Variants in PTPRN2 observed in about 807,000 individuals in gnomAD.
PTPRN2 encodes protein tyrosine phosphatase receptor type N2, also known as receptor-type tyrosine-protein phosphatase N2.
Under a neutral mutation model 118.8 loss-of-function variants are expected in PTPRN2, and 74 were observed. That is an observed-to-expected ratio of 0.62 (90% CI 0.52 to 0.76). The LOEUF (loss-of-function observed/expected upper bound fraction) is 0.76. Among genes scored for constraint, PTPRN2 ranks in the 30% least tolerant of loss-of-function variants. The pLI, the probability that PTPRN2 is intolerant of heterozygous loss-of-function variation, is 0.00. For synonymous variants in PTPRN2, 641 were observed against 608.0 expected (o/e 1.05, Z -0.80); for missense variants, 1,481 against 1,394.4 (o/e 1.06, Z -0.99).
Position 157,711,973 on chromosome 7 carries a change from AGCTGG to A in PTPRN2, c.1789-29041_1789-29037del, listed in dbSNP as rs1467108905. 4.0e-3 allele frequency among the ~76,000 whole-genome samples: 260 copies of A among 64,792 alleles called. 4 individuals are homozygous for A. The highest frequency in any genetic ancestry group is 9.3e-3 in the African/African-American group (115 of 12,414). The allele number at this position is 64,792 out of a possible 152,430, so 42.5% of individuals were successfully genotyped here. A position where few individuals can be genotyped will look rare whatever the true frequency, so the allele number is the denominator to read the frequency against. On this transcript the variant is annotated intron_variant, in intron 12 of 22. Transcript: ENST00000389418. The stretch of plus-strand genomic sequence containing the variant: ...CTGCGTGGTGGAAGGGGGGCCGGGC[AGCTGG>A]GGGCACCATGAGTGGGGGGAGGGGC...
chr7:157,860,170 C>T (rs1810122529), intron 12 of PTPRN2, among the ~76,000 whole-genome samples: 1 of 152,246 alleles, frequency 6.6e-6, no homozygotes, highest in South Asian at 2.1e-4. Context: ...TGCAACGACC[C>T]AGACCCAATT....
At chr7:157,943,081 G>A (rs1800246496) in intron 11 of PTPRN2, among the ~76,000 whole-genome samples, 1 of 152,168 alleles carries the variant, frequency 6.6e-6, no homozygotes, top group Non-Finnish European at 1.5e-5. Context: ...TTTGGCCCCA[G>A]GAAGCCTTTG....
chr7:158,328,285 C>A (rs1356605686), intron 2 of PTPRN2, among the ~76,000 whole-genome samples: 1 of 152,204 alleles, frequency 6.6e-6, no homozygotes, highest in African/African-American at 2.4e-5. Flanking sequence ...ACACCCAGGT[C>A]AGATTTAAGG....
At chr7:157,819,086 C>A (rs1157522963) in intron 12 of PTPRN2, among the ~76,000 whole-genome samples, 1 of 152,210 alleles carries the variant, frequency 6.6e-6, no homozygotes, top group Non-Finnish European at 1.5e-5. Flanking sequence ...CCTGTGGACA[C>A]CACTGGCCCC....
intron 2 of PTPRN2, among the ~76,000 whole-genome samples, chr7:158,372,524 TC>T (rs765733563): frequency 1.1e-5 from 1 of 94,778 alleles, no homozygotes; most frequent in African/African-American, 4.2e-5. Flanking sequence ...CCGGAGCTGG[TC>T]CCCCCATGCT....
chr7:158,128,087 C>T (rs995832176), intron 9 of PTPRN2, among the ~76,000 whole-genome samples: 1 of 152,206 alleles, frequency 6.6e-6, no homozygotes, highest in Admixed American at 6.5e-5. Flanking sequence ...CCACATTCCT[C>T]TCCTTTCTGT....
rs888779997 is a variant in PTPRN2 at position 157,961,909 on chromosome 7, G to A, written c.1724-63172C>T. ...GAGCCCAGGAGACCCGGCGGCGGCC[G>A]CACCGGGACCCGGGGTGTGTGGAGA... On this transcript the variant is annotated intron_variant, in intron 11 of 22. Coordinates refer to ENST00000389418, the MANE Select transcript of PTPRN2 (RefSeq NM_002847.5). 6.6e-5 allele frequency among the ~76,000 whole-genome samples: 10 copies of A among 151,932 alleles called. No individual in the cohort carries two copies. In the East Asian group the frequency reaches 1.6e-3, roughly 24 times the overall value.
At chr7:157,810,160 C>T (rs886811908) in intron 12 of PTPRN2, among the ~76,000 whole-genome samples, 3 of 152,246 alleles carry the variant, frequency 2.0e-5, no homozygotes, top group Non-Finnish European at 4.4e-5. Flanking sequence ...ACGTGGAGAA[C>T]ACTGCAGTTC....
chr7:157,803,447 C>T (rs1281822932), intron 12 of PTPRN2, among the ~76,000 whole-genome samples: 2 of 152,194 alleles, frequency 1.3e-5, no homozygotes, highest in Non-Finnish European at 2.9e-5. Context: ...TGATGTTGTC[C>T]TGCATGTTCA....
chr7:158,258,254 A>G (rs549931485), intron 3 of PTPRN2, among the ~76,000 whole-genome samples: 2 of 152,256 alleles, frequency 1.3e-5, no homozygotes, highest in African/African-American at 4.8e-5. Flanking sequence ...CAGGGTGAAC[A>G]CAGGCCGTCC....
intron 6 of PTPRN2, among the ~76,000 whole-genome samples, chr7:158,156,393 G>A (rs1246713315): frequency 1.3e-5 from 2 of 152,182 alleles, no homozygotes; most frequent in African/African-American, 2.4e-5. Flanking sequence ...GTGAACTGAC[G>A]GACGACAGGT....
At chr7:157,889,301 C>G (rs962315158) in intron 12 of PTPRN2, among the ~76,000 whole-genome samples, 1 of 151,312 alleles carries the variant, frequency 6.6e-6, no homozygotes, top group Non-Finnish European at 1.5e-5. Flanking sequence ...CTGGTTACCG[C>G]CCCCCTCTCA....
intron 21 of PTPRN2, among the ~76,000 whole-genome samples, chr7:157,549,551 C>T (rs1798493182): frequency 1.3e-5 from 2 of 152,304 alleles, no homozygotes; most frequent in East Asian, 3.9e-4. Context: ...CCCGTAGCTA[C>T]TCCCAGCTCA....
intron 21 of PTPRN2, among the ~76,000 whole-genome samples, chr7:157,562,876 C>CA (rs36183370): frequency 8.1e-6 from 1 of 123,726 alleles, no homozygotes; most frequent in East Asian, 2.7e-4. Context: ...TGTCACCACA[C>CA]GCAGATCAGG....
chr7:158,449,522 C>T (rs546894654), intron 2 of PTPRN2, among the ~76,000 whole-genome samples: 8 of 150,170 alleles, frequency 5.3e-5, no homozygotes, highest in Non-Finnish European at 7.4e-5. Flanking sequence ...ACACACAGCG[C>T]GGGCCGAGTC....
In PTPRN2 at chr7:157,595,262, G is replaced by A. The variant is rs150956578; in HGVS notation, c.2472C>T (p.Pro824=). The stretch of plus-strand genomic sequence containing the variant: ...CCTGCCAAAAGTCAGCCACGGTGGC[G>A]GGCAGCGGTCCCTGGGTGGCGATGT... ...PAYIATQGPL[P]ATVADFWQMV... The change falls in exon 17 of 23, where the codon CCC becomes CCT. Residue 824 remains proline (P), a synonymous_variant. Transcript: ENST00000389418. 264 of 1,614,086 alleles carry A rather than the reference G, an allele frequency of 1.6e-4. No homozygotes were observed. Among genetic ancestry groups the A allele is most frequent in the Non-Finnish European group, 2.0e-4 (234 of 1,180,052 alleles).
In PTPRN2 at chr7:157,845,587, CA is replaced by C. The variant is rs1245672816; in HGVS notation, c.1788+53085del. On this transcript the variant is annotated intron_variant, in intron 12 of 22. Coordinates refer to ENST00000389418, the MANE Select transcript of PTPRN2 (RefSeq NM_002847.5). This position sits in a 1 kb window ranked among gnomAD's most constrained non-coding sequence, Gnocchi z 4.5. Reference sequence around the variant, plus strand: ...GTTCCCGGCCACACAGGGCCAAGAACAGCCCAGGCAATGTTAAGGAGCATTG... The same window carrying C: ...GTTCCCGGCCACACAGGGCCAAGAACGCCCAGGCAATGTTAAGGAGCATTG... Among the ~76,000 whole-genome samples the C allele has an allele frequency of 6.6e-5, 10 of 152,248 alleles. No individual in the cohort carries two copies. Among genetic ancestry groups the C allele is most frequent in the African/African-American group, 2.4e-4 (10 of 41,474 alleles).
At chr7:157,879,751 C>T (rs983693379) in intron 12 of PTPRN2, among the ~76,000 whole-genome samples, 3 of 151,196 alleles carry the variant, frequency 2.0e-5, no homozygotes, top group Admixed American at 1.3e-4. Flanking sequence ...CCTCACCCCA[C>T]GTGAGCCCGG....
At chr7:158,221,068 C>A (rs1176387830) in intron 3 of PTPRN2, among the ~76,000 whole-genome samples, 1 of 152,000 alleles carries the variant, frequency 6.6e-6, no homozygotes, top group Non-Finnish European at 1.5e-5. Context: ...AGCCACACAC[C>A]TACAAACATC....
Sources: gnomAD v4.1 joint callset for allele counts (sites outside exome capture counted in the v4.1 genomes callset) on GRCh38, gnomAD v4.1.1 for gene constraint, Gnocchi (gnomAD v3.1) non-coding constraint, MANE v1.5 for transcripts, NCBI Gene and HGNC (gene_info 2026-07-23, HGNC 2026-07-21) for gene names.